The following SYT16 variants were observed in gnomAD, a reference collection of about 807,000 sequenced individuals.
SYT16 encodes the protein synaptotagmin 16.
Under a neutral mutation model 61.4 loss-of-function variants are expected in SYT16, and 42 were observed. The observed-to-expected ratio is 0.68, with a 90% CI of 0.53 to 0.89. SYT16 has a LOEUF of 0.89. Among genes scored for constraint, SYT16 ranks in the 40% least tolerant of loss-of-function variants. The pLI, the probability that SYT16 is intolerant of heterozygous loss-of-function variation, is 0.00. For synonymous variants in SYT16, 314 were observed against 302.3 expected (o/e 1.04, Z -0.40); for missense variants, 804 against 807.3 (o/e 1.00, Z 0.05).
intron 3 of SYT16, among the ~76,000 whole-genome samples, chr14:62,039,148 TG>T (rs201220557): frequency 2.0e-5 from 3 of 150,754 alleles, no homozygotes; most frequent in East Asian, 3.8e-4. Context: ...AAAAAATTTC[TG>T]GCTGTAAGGG....
intron 7 of SYT16, among the ~76,000 whole-genome samples, chr14:62,092,053 C>T (rs1394199827): frequency 6.6e-6 from 1 of 151,824 alleles, no homozygotes; most frequent in Non-Finnish European, 1.5e-5. Flanking sequence ...GACATTCCTC[C>T]AAAGTTGATA....
chr14:61,940,081 A>C (rs2050149526), intron 1 of SYT16, among the ~76,000 whole-genome samples: 1 of 152,166 alleles, frequency 6.6e-6, no homozygotes, highest in African/African-American at 2.4e-5. Flanking sequence ...TAATTTTTAT[A>C]ATGATGTGAG....
intron 1 of SYT16, among the ~76,000 whole-genome samples, chr14:61,890,501 A>G (rs76171634): frequency 6.7e-6 from 1 of 149,250 alleles, no homozygotes; most frequent in Admixed American, 6.7e-5. Flanking sequence ...TTCATGACAA[A>G]AAAAAAAAAA....
At chr14:62,082,182 A>C (rs1256798938) in intron 6 of SYT16, among the ~76,000 whole-genome samples, 3 of 152,182 alleles carry the variant, frequency 2.0e-5, no homozygotes, top group Non-Finnish European at 4.4e-5. Context: ...AGCACATGCA[A>C]GCAGTCAGGA....
chr14:62,016,198 G>A (rs2053670062), intron 3 of SYT16, among the ~76,000 whole-genome samples: 1 of 152,132 alleles, frequency 6.6e-6, no homozygotes, highest in African/African-American at 2.4e-5. Flanking sequence ...TGGAAATGAA[G>A]TCATGATGTT....
At position 62,080,973 on chromosome 14, in the gene SYT16, C is replaced by T; in HGVS notation, c.1133C>T (p.Pro378Leu). 1.2e-6 allele frequency: 2 copies of T among 1,612,952 alleles called. No homozygotes were observed. Among genetic ancestry groups the T allele is most frequent in the Admixed American group, 1.7e-5 (1 of 59,856 alleles). The change falls in exon 6 of 8, where the codon CCA becomes CTA. Residue 378 changes from proline (P) to leucine (L), a missense_variant. By Grantham distance (98) the Pro-to-Leu change is moderately conservative. Coordinates refer to ENST00000683842, the MANE Select transcript of SYT16 (RefSeq NM_001367656.1). ...ACCATTGTGAGGGCACAGGGCCTCCCAGATAAGGACCGAAGTGGTGTCAAC... is the reference window on the plus strand; with the variant it reads ...ACCATTGTGAGGGCACAGGGCCTCCTAGATAAGGACCGAAGTGGTGTCAAC... Reference protein sequence around the residue: ...TVTIVRAQGLPDKDRSGVNSW... With the variant: ...TVTIVRAQGLLDKDRSGVNSW...
At chr14:61,840,030 T>C (rs1042746671) in intron 1 of SYT16, among the ~76,000 whole-genome samples, 12 of 152,010 alleles carry the variant, frequency 7.9e-5, no homozygotes, top group African/African-American at 2.7e-4. Flanking sequence ...AGACAATTCA[T>C]GGGGAATGTG....
intron 4 of SYT16, among the ~76,000 whole-genome samples, chr14:62,071,118 T>C (rs572923528): frequency 1.3e-5 from 2 of 152,352 alleles, no homozygotes; most frequent in African/African-American, 4.8e-5. Flanking sequence ...AAAGGCCCTA[T>C]ATAACCAAAC....
rs924326017 is a variant in SYT16, at chr14:62,081,079, C to A, written c.1239C>A (p.Val413=). ...ACATACAGAGAGGGCCCAACCCCGT[C>A]TTCAGGGAGAAGGTCACCTTTGCCA... ...RTNIQRGPNP[V]FREKVTFAKL... The change falls in exon 6 of 8, where the codon GTC becomes GTA. Residue 413 remains valine, a synonymous_variant. Coordinates refer to ENST00000683842, the MANE Select transcript of SYT16 (RefSeq NM_001367656.1). The A allele has an allele frequency of 1.9e-6, 3 of 1,613,716 alleles. No individual in the cohort carries two copies. The African/African-American group carries it at 4.0e-5, about 22-fold the overall frequency.
intron 1 of SYT16, among the ~76,000 whole-genome samples, chr14:61,911,709 T>C (rs2048942430): frequency 6.6e-6 from 1 of 152,164 alleles, no homozygotes; most frequent in South Asian, 2.1e-4. Flanking sequence ...TTTATAGTGC[T>C]TTGCAAAGGA....
At chr14:62,075,472 A>C in intron 5 of SYT16, 81 bp downstream of exon 5, 1 of 1,389,262 alleles carries the variant, frequency 7.2e-7, no homozygotes, top group Non-Finnish European at 9.5e-7. Context: ...TCTCTCTAAA[A>C]AAAAAAAAAA....
intron 1 of SYT16, among the ~76,000 whole-genome samples, chr14:61,903,479 G>A (rs901293270): frequency 6.6e-6 from 1 of 152,178 alleles, no homozygotes; most frequent in Non-Finnish European, 1.5e-5. Flanking sequence ...AAAGAAGGCG[G>A]CTGTGTTTTT....
intron 1 of SYT16, among the ~76,000 whole-genome samples, chr14:61,815,540 A>G (rs2045401442): frequency 6.6e-6 from 1 of 152,222 alleles, no homozygotes; most frequent in Non-Finnish European, 1.5e-5. Flanking sequence ...TATATAAAAT[A>G]TGGAGATATT....
intron 3 of SYT16, among the ~76,000 whole-genome samples, chr14:62,054,025 C>A (rs1272253710): frequency 6.6e-6 from 1 of 152,146 alleles, no homozygotes; most frequent in East Asian, 1.9e-4. Context: ...ATATCCATGA[C>A]AAAGCAAGCT....
At chr14:61,836,196 A>G (rs1342741451) in intron 1 of SYT16, among the ~76,000 whole-genome samples, 2 of 152,220 alleles carry the variant, frequency 1.3e-5, no homozygotes, top group African/African-American at 4.8e-5. Context: ...TGTATCCTTC[A>G]TACACATCAT....
chr14:62,024,969 A>AT (rs1288613773), intron 3 of SYT16, among the ~76,000 whole-genome samples: 1 of 152,000 alleles, frequency 6.6e-6, no homozygotes, highest in African/African-American at 2.4e-5. Flanking sequence ...TTGATAGCTA[A>AT]TTTCTTTTCA....
At chr14:61,894,009 C>T (rs893982778) in intron 1 of SYT16, among the ~76,000 whole-genome samples, 2 of 152,226 alleles carry the variant, frequency 1.3e-5, no homozygotes, top group African/African-American at 4.8e-5. Context: ...GCCTGGCTGG[C>T]ATGGTGGCTC....
At chr14:61,833,727 T>TA (rs1385210087) in intron 1 of SYT16, among the ~76,000 whole-genome samples, 9 of 141,702 alleles carry the variant, frequency 6.4e-5, no homozygotes, top group African/African-American at 2.4e-4. Flanking sequence ...TTTTTTTTTT[T>TA]AAATTTAAAT....
At chr14:61,869,558 T>A (rs1259394455) in intron 1 of SYT16, among the ~76,000 whole-genome samples, 3 of 152,200 alleles carry the variant, frequency 2.0e-5, no homozygotes, top group Non-Finnish European at 4.4e-5. Context: ...TTGGTCTTTG[T>A]GTTGTTGTCA....
Sources: allele counts gnomAD v4.1 joint callset (sites outside exome capture counted in the v4.1 genomes callset), GRCh38; gene constraint gnomAD v4.1.1; transcripts MANE v1.5; gene names NCBI Gene and HGNC (gene_info 2026-07-23, HGNC 2026-07-21).